The following NUP98 variants were observed in gnomAD, a reference collection of about 807,000 sequenced individuals.
NUP98 encodes the protein nuclear pore complex protein Nup98-Nup96.
A neutral mutation model predicts 191.9 loss-of-function variants in NUP98; 26 were observed. The ratio of observed to expected loss-of-function variants is 0.14; its 90% confidence interval spans 0.10 to 0.19. The LOEUF is 0.19. Ranked by LOEUF, NUP98 falls within the 10% of genes least tolerant of loss-of-function variation. NUP98 has a pLI of 1.00. For synonymous variants in NUP98, 808 were observed against 778.4 expected, an observed-to-expected ratio of 1.04 and a Z score of -0.63; for missense variants, 1,941 against 2,178.8, an observed-to-expected ratio of 0.89 and a Z score of 2.17.
chr11:3,775,552 C>CAA (rs201254413), intron 5 of NUP98, among the ~76,000 whole-genome samples: 4 of 138,476 alleles, frequency 2.9e-5, no homozygotes, highest in African/African-American at 7.8e-5. Context: ...AACAAAATAA[C>CAA]AAAAAAAAAA....
rs1359392062 is a variant in NUP98 at position 3,686,092 on chromosome 11, G to C, written c.4557C>G (p.Asn1519Lys). Residue 1519 changes from asparagine (N) to lysine (K), a missense_variant, in exon 29 of 33, where the codon AAC becomes AAG. By Grantham distance (94) the Asn-to-Lys change is moderately conservative. Around this residue, in one of 6 missense-constraint regions of NUP98, gnomAD observed 1,030 missense variants for 1,115.8 expected, o/e 0.92. Coordinates refer to ENST00000324932, the MANE Select transcript of NUP98 (RefSeq NM_016320.5). ...WHLWEVLRAL[N>K]YTHLSAQCEG... ...CACACTGCGCTGAGAGATGGGTGTAGTTAAGAGCCCTCAGCACTTCCCACA... is the reference window on the plus strand; with the variant it reads ...CACACTGCGCTGAGAGATGGGTGTACTTAAGAGCCCTCAGCACTTCCCACA... 1.9e-6 allele frequency: 3 copies of C among 1,614,098 alleles called. No individual in the cohort carries two copies. The highest frequency in any genetic ancestry group is 1.3e-5 in the African/African-American group (1 of 74,938).
chr11:3,792,178 CAAAAAAAAAAAAAAAAA>C lies in NUP98; in HGVS notation c.-29+5205_-29+5221del, dbSNP rs61471948. 3.6e-3 allele frequency among the ~76,000 whole-genome samples: 209 copies of C among 58,860 alleles called. 1 individual carries two copies. The highest frequency in any genetic ancestry group is 5.4e-3 in the Non-Finnish European group (174 of 32,400). The allele number at this position is 58,860 out of a possible 152,430, so 38.6% of individuals were successfully genotyped here. Reference sequence around the variant, plus strand: ...CAGGTGACAGAGTGAAACTCCATCTCAAAAAAAAAAAAAAAAAAAAAAAAAAAAAAACATGTATTCAC... The same window carrying C: ...CAGGTGACAGAGTGAAACTCCATCTCAAAAAAAAAAAAAACATGTATTCAC... On this transcript the variant is annotated intron_variant, in intron 1 of 32. Coordinates refer to ENST00000324932, the MANE Select transcript of NUP98 (RefSeq NM_016320.5).
At chr11:3,794,714 T>C (rs1284791816) in intron 1 of NUP98, among the ~76,000 whole-genome samples, 2 of 152,204 alleles carry the variant, frequency 1.3e-5, no homozygotes, top group African/African-American at 4.8e-5. Flanking sequence ...TTCCAGGCTC[T>C]GATGTTTCTT....
At chr11:3,698,991 C>T (rs552612628) in intron 25 of NUP98, 91 bp downstream of exon 25, 80 of 1,467,080 alleles carry the variant, frequency 5.5e-5, no homozygotes, top group Non-Finnish European at 7.2e-5. Context: ...GGCTAGAAGC[C>T]AAAGGGAAAT....
At chr11:3,720,508 A>C (rs578154913) in intron 17 of NUP98, among the ~76,000 whole-genome samples, 2 of 152,232 alleles carry the variant, frequency 1.3e-5, no homozygotes, top group South Asian at 4.1e-4. Context: ...TCTCAACAGA[A>C]AAAATAAAAT....
rs936625007 is a variant in NUP98, at chr11:3,700,512, C to T, written c.3742+98G>A. ...AGAAAATGACAAGCACAGGCATTTA[C>T]CTACTAGACTGGTGCCAGGAAATTC... On this transcript the variant is annotated intron_variant, in intron 24 of 32. Transcript: ENST00000324932. 5 of 744,164 alleles carry T rather than the reference C, an allele frequency of 6.7e-6. No individual in the cohort carries two copies. In the African/African-American group the frequency reaches 7.1e-5, roughly 11 times the overall value. The allele number at this position is 744,164 out of a possible 1,614,324, so 46.1% of individuals were successfully genotyped here.
At chr11:3,795,624 G>A (rs2082502934) in intron 1 of NUP98, among the ~76,000 whole-genome samples, 1 of 151,960 alleles carries the variant, frequency 6.6e-6, no homozygotes, top group African/African-American at 2.4e-5. Context: ...CCTACTATGT[G>A]GCAAGCAACT....
chr11:3,690,030 C>T (rs2078261040), intron 28 of NUP98, among the ~76,000 whole-genome samples: 1 of 146,080 alleles, frequency 6.8e-6, no homozygotes, highest in African/African-American at 2.6e-5. Context: ...TGGCTCACTG[C>T]AACCTCCAAC....
intron 5 of NUP98, among the ~76,000 whole-genome samples, chr11:3,775,448 A>C (rs1324413451): frequency 6.6e-6 from 1 of 152,056 alleles, no homozygotes; most frequent in African/African-American, 2.4e-5. Flanking sequence ...AGGCAGGAGA[A>C]TCACTTGAAC....
At chr11:3,727,396 A>G (rs1386601537) in intron 14 of NUP98, among the ~76,000 whole-genome samples, 4 of 152,208 alleles carry the variant, frequency 2.6e-5, no homozygotes, top group Non-Finnish European at 4.4e-5. Context: ...AAAATTTTAC[A>G]AAGTTAATCC....
At chr11:3,752,587 A>G (rs1014625770) in intron 11 of NUP98, among the ~76,000 whole-genome samples, 5 of 151,926 alleles carry the variant, frequency 3.3e-5, no homozygotes, top group African/African-American at 4.8e-5. Context: ...AGATGATAGA[A>G]GGGGAAAAAA....
chr11:3,675,529 G>C lies in NUP98; in HGVS notation c.*630C>G. On this transcript the variant is annotated 3_prime_UTR_variant, in exon 33 of 33. Coordinates refer to ENST00000324932, the MANE Select transcript of NUP98 (RefSeq NM_016320.5). ...GTAGTAGCAAAGGTATGGTGTTCAT[G>C]GAACTCTAAAGGCAGGAACAAAAAC... 1 of 233,202 alleles carries C rather than the reference G, an allele frequency of 4.3e-6. No homozygotes were observed. The allele number at this position is 233,202 out of a possible 1,614,324, so 14.4% of individuals were successfully genotyped here. A position where few individuals can be genotyped will look rare whatever the true frequency, so the allele number is the denominator to read the frequency against.
chr11:3,768,855 T>C, intron 7 of NUP98, 111 bp from the exon 8 acceptor site: 1 of 736,516 alleles, frequency 1.4e-6, no homozygotes, highest in Non-Finnish European at 2.0e-6. Flanking sequence ...TTATGTTATC[T>C]ACTACCCTTC....
In NUP98 at chr11:3,700,592, A is replaced by G; in HGVS notation, c.3742+18T>C. ...TATTATTGGGACATCAAACATTAGA[A>G]ACATAGTGTGTACTCACTTTGTGCT... is the stretch of plus-strand genomic sequence containing the variant. On this transcript the variant is annotated intron_variant, in intron 24 of 32. Coordinates refer to ENST00000324932, the MANE Select transcript of NUP98 (RefSeq NM_016320.5). The G allele has an allele frequency of 6.5e-7, 1 of 1,534,096 alleles. No individual in the cohort carries two copies.
chr11:3,685,956 A>G lies in NUP98; in HGVS notation c.4676+17T>C. 1 of 1,607,086 alleles carries G rather than the reference A, an allele frequency of 6.2e-7. No homozygotes were observed. The highest frequency in any genetic ancestry group is 8.5e-7 in the Non-Finnish European group (1 of 1,174,406). ...AGTGCTAGATGTACCCAGTGGGTTC[A>G]ACGGCTTCTCACTCACCCTGAGTTG... On this transcript the variant is annotated intron_variant, in intron 29 of 32. Coordinates refer to ENST00000324932, the MANE Select transcript of NUP98 (RefSeq NM_016320.5).
chr11:3,750,579 G>A (rs2134423745), intron 11 of NUP98, among the ~76,000 whole-genome samples: 1 of 152,124 alleles, frequency 6.6e-6, no homozygotes, highest in South Asian at 2.1e-4. Context: ...AAACACAACT[G>A]AGACAAAGTT....
chr11:3,731,245 CAG>C, intron 14 of NUP98, 144 bp downstream of exon 14: 1 of 442,326 alleles, frequency 2.3e-6, no homozygotes, highest in Non-Finnish European at 3.6e-6. Flanking sequence ...GCCTGGGTGA[CAG>C]AGTAAGACTC....
chr11:3,676,325 T>A lies in NUP98; in HGVS notation c.5237A>T (p.His1746Leu). 6.2e-7 allele frequency: 1 copy of A among 1,613,962 alleles called. No homozygotes were observed. The change falls in exon 33 of 33, where the codon CAT becomes CTT. Residue 1746 changes from histidine to leucine, a missense_variant. Transcript: ENST00000324932. ...NLLRVVLSLH[H>L]PPDRTSDSTP... ...TGAGTCGGAGGTTCTATCAGGAGGATGATGCAGACTCAGCACCACGCGCAG... is the reference window on the plus strand; with the variant it reads ...TGAGTCGGAGGTTCTATCAGGAGGAAGATGCAGACTCAGCACCACGCGCAG...
At position 3,796,887 on chromosome 11, in the gene NUP98, C is replaced by G. The variant is rs995844848; in HGVS notation, c.-29+513G>C. On this transcript the variant is annotated intron_variant, in intron 1 of 32. Transcript: ENST00000324932. ...AACACGTGGGAAAATAGAAAAGAAC[C>G]TTTTGCTCCACCGAACCGACTCCTA... Among the ~76,000 whole-genome samples, 9 of 152,320 alleles carry G rather than the reference C, an allele frequency of 5.9e-5. No individual in the cohort carries two copies. The East Asian group carries it at 1.3e-3, about 23-fold the overall frequency.
Sources: allele counts gnomAD v4.1 joint callset (sites outside exome capture counted in the v4.1 genomes callset), GRCh38; gene constraint gnomAD v4.1.1; regional missense constraint gnomAD v4.1.1; transcripts MANE v1.5; gene names NCBI Gene and HGNC (gene_info 2026-07-23, HGNC 2026-07-21).